CENPW: variants seen among roughly 807,000 people sequenced by gnomAD.
CENPW encodes centromere protein W, also known as cancer-up-regulated gene 2 protein.
Under a neutral mutation model 11.1 loss-of-function variants are expected in CENPW, and 3 were observed. The observed-to-expected ratio is 0.27, with a 90% confidence interval of 0.12 to 0.70. The LOEUF is 0.70. CENPW is among the 30% of genes least tolerant of loss of function. The probability of loss-of-function intolerance (pLI) is 0.77; values close to 1 mark genes in which losing one functional copy is unlikely to be tolerated. For synonymous variants in CENPW, 38 were observed against 42.0 expected (o/e 0.91, Z 0.37); for missense variants, 100 against 105.6 (o/e 0.95, Z 0.23).
At chr6:126,445,277 T>C in the CENPW span, among the ~76,000 whole-genome samples, 7 of 151,202 alleles carry the variant, frequency 4.6e-5, no homozygotes, top group Non-Finnish European at 1.0e-4. Flanking sequence ...AGGTCAAATT[T>C]TGGTATTGTA....
chr6:126,447,524 AAG>A, the CENPW span, among the ~76,000 whole-genome samples: 1 of 151,210 alleles, frequency 6.6e-6, no homozygotes, highest in Non-Finnish European at 1.5e-5. Context: ...ATGAAACAGA[AAG>A]AGAGATTTGT....
At chr6:126,398,926 C>T in the CENPW span, among the ~76,000 whole-genome samples, 1 of 151,714 alleles carries the variant, frequency 6.6e-6, no homozygotes, top group Admixed American at 6.6e-5. Flanking sequence ...TGATTCCGTT[C>T]CTGTGTTAAT....
chr6:126,466,448 A>C, the CENPW span, among the ~76,000 whole-genome samples: 3 of 152,158 alleles, frequency 2.0e-5, no homozygotes, highest in Admixed American at 2.0e-4. Context: ...TTTATGCTGA[A>C]TAGTGGAGAC....
At chr6:126,357,538 T>C in the CENPW span, among the ~76,000 whole-genome samples, 4 of 152,196 alleles carry the variant, frequency 2.6e-5, no homozygotes, top group Middle Eastern at 3.2e-3. Flanking sequence ...ACATGTATTC[T>C]TCTATGAGCA....
the CENPW span, among the ~76,000 whole-genome samples, chr6:126,443,535 C>A: frequency 6.6e-6 from 1 of 151,248 alleles, no homozygotes; most frequent in Non-Finnish European, 1.5e-5. Context: ...TCCTTTATTT[C>A]ATTAAGGACT....
chr6:126,412,425 C>T, the CENPW span, among the ~76,000 whole-genome samples: 1 of 152,054 alleles, frequency 6.6e-6, no homozygotes, highest in Non-Finnish European at 1.5e-5. Context: ...AGCTGTTAAT[C>T]TTACTGGTAT....
chr6:126,346,133 A>G, intron 1 of CENPW, 72 bp from the exon 2 acceptor site: 1 of 745,376 alleles, frequency 1.3e-6, no homozygotes, highest in South Asian at 2.1e-5. Context: ...TGAGATAACT[A>G]ATTTTTAAAA....
the CENPW span, among the ~76,000 whole-genome samples, chr6:126,483,211 T>G: frequency 6.6e-6 from 1 of 151,878 alleles, no homozygotes; most frequent in African/African-American, 2.4e-5. Flanking sequence ...TTAATTTTTT[T>G]GTAGATTCTT....
chr6:126,445,899 A>G, the CENPW span, among the ~76,000 whole-genome samples: 1 of 151,162 alleles, frequency 6.6e-6, no homozygotes, highest in Non-Finnish European at 1.5e-5. Context: ...TGTTTTGCCA[A>G]GCTCAAGACC....
chr6:126,390,578 T>G, the CENPW span, among the ~76,000 whole-genome samples: 4 of 151,866 alleles, frequency 2.6e-5, no homozygotes, highest in Non-Finnish European at 5.9e-5. Flanking sequence ...CTAATTTTTT[T>G]TGTGTCCATT....
chr6:126,354,351 C>G, the CENPW span, among the ~76,000 whole-genome samples: 1 of 152,090 alleles, frequency 6.6e-6, no homozygotes, highest in Non-Finnish European at 1.5e-5. Context: ...TGCAGCCCTT[C>G]TTCTGGCATG....
chr6:126,403,440 C>T, the CENPW span, among the ~76,000 whole-genome samples: 2 of 152,030 alleles, frequency 1.3e-5, no homozygotes, highest in African/African-American at 4.8e-5. Flanking sequence ...AGCAAAACAG[C>T]CATATTGCTG....
the CENPW span, among the ~76,000 whole-genome samples, chr6:126,372,502 C>CT: frequency 6.6e-6 from 1 of 152,064 alleles, no homozygotes; most frequent in Non-Finnish European, 1.5e-5. Context: ...ACCCAGAATA[C>CT]TTATAACACT....
chr6:126,442,367 G>A, the CENPW span, among the ~76,000 whole-genome samples: 4 of 151,272 alleles, frequency 2.6e-5, no homozygotes, highest in East Asian at 7.8e-4. Flanking sequence ...TTAAATAGAT[G>A]GGACATAATT....
At chr6:126,366,530 G>A in the CENPW span, among the ~76,000 whole-genome samples, 381 of 152,160 alleles carry the variant, frequency 2.5e-3, 2 homozygotes, top group African/African-American at 8.5e-3. Context: ...ACTTGTATAC[G>A]TACCTTTGAG....
At chr6:126,393,453 T>C in the CENPW span, among the ~76,000 whole-genome samples, 1 of 151,662 alleles carries the variant, frequency 6.6e-6, no homozygotes, top group African/African-American at 2.4e-5. Context: ...TGTTTAGCTG[T>C]ATCCCATAAG....
chr6:126,433,652 A>G, the CENPW span, among the ~76,000 whole-genome samples: 1 of 152,162 alleles, frequency 6.6e-6, no homozygotes, highest in African/African-American at 2.4e-5. Context: ...GCAAGTTGAA[A>G]GAAATTTAAA....
the CENPW span, among the ~76,000 whole-genome samples, chr6:126,403,542 C>T: frequency 6.6e-6 from 1 of 152,114 alleles, no homozygotes; most frequent in African/African-American, 2.4e-5. Flanking sequence ...CCATAACTCT[C>T]TTCAATTCAG....
At chr6:126,439,534 T>C in the CENPW span, among the ~76,000 whole-genome samples, 1 of 151,736 alleles carries the variant, frequency 6.6e-6, no homozygotes, top group African/African-American at 2.4e-5. Flanking sequence ...TTCCTCTTCC[T>C]TGGTTTTAGC....
Sources: allele counts gnomAD v4.1 joint callset (sites outside exome capture counted in the v4.1 genomes callset), GRCh38; gene constraint gnomAD v4.1.1; transcripts MANE v1.5; gene names NCBI Gene and HGNC (gene_info 2026-07-23, HGNC 2026-07-21).